ALKBH5: variants seen among roughly 807,000 people sequenced by gnomAD.
The protein encoded by ALKBH5 is RNA demethylase ALKBH5.
ALKBH5 carries 2 observed loss-of-function variants against 32.1 expected under a neutral mutation model. The ratio of observed to expected loss-of-function variants is 0.06; its 90% CI spans 0.03 to 0.20. The LOEUF (loss-of-function observed/expected upper bound fraction) is 0.20, where lower values mean the gene tolerates loss of function less well. Ranked by LOEUF, ALKBH5 falls within the 10% of genes least tolerant of loss-of-function variation. ALKBH5 has a pLI of 1.00. For missense variants in ALKBH5, 352 were observed against 559.5 expected (o/e 0.63, Z 3.74); for synonymous variants, 300 against 231.7 (o/e 1.29, Z -2.68).
intron 1 of ALKBH5, among the ~76,000 whole-genome samples, chr17:18,194,162 T>C (rs1241731066): frequency 1.0e-5 from 1 of 100,140 alleles, no homozygotes. Context: ...GGGCAGGGGG[T>C]GGGGGTCAGT....
chr17:18,206,977 A>C lies in ALKBH5; in HGVS notation c.1007+7A>C, dbSNP rs534840309. ...ACCCTGATGCTGCCCACAGGTACTC[A>C]GTTTAGGACCCTCAGCAAAGGCTGG... On this transcript the variant is annotated splice_region_variant and intron_variant, in intron 3 of 3. Transcript: ENST00000399138. The C allele has an allele frequency of 6.2e-7, 1 of 1,612,230 alleles. No individual in the cohort carries two copies. The highest frequency in any genetic ancestry group is 1.3e-5 in the African/African-American group (1 of 74,908).
At chr17:18,206,035 C>T (rs1188944501) in intron 2 of ALKBH5, among the ~76,000 whole-genome samples, 1 of 152,152 alleles carries the variant, frequency 6.6e-6, no homozygotes, top group African/African-American at 2.4e-5. Flanking sequence ...TGAGGTTTTC[C>T]ATGCCAGCTC....
intron 1 of ALKBH5, among the ~76,000 whole-genome samples, chr17:18,188,250 A>C (rs1439534147): frequency 6.6e-6 from 1 of 152,266 alleles, no homozygotes; most frequent in Non-Finnish European, 1.5e-5. Flanking sequence ...TAGAATAATT[A>C]CTTCAAGGCT....
At position 18,184,812 on chromosome 17, in the gene ALKBH5, C is replaced by T; in HGVS notation, c.569C>T (p.Ala190Val). 6.2e-7 allele frequency: 1 copy of T among 1,614,132 alleles called. No homozygotes were observed. The highest frequency in any genetic ancestry group is 8.5e-7 in the Non-Finnish European group (1 of 1,180,004). The change falls in exon 1 of 4, where the codon GCC becomes GTC. Residue 190 changes from alanine (A) to valine (V), a missense_variant. Physicochemically the swap from Ala to Val is moderately conservative, Grantham distance 64 (BLOSUM62 0). This residue lies in a region of ALKBH5 where 56 missense variants were observed against 238.1 expected (regional missense o/e 0.24). Coordinates refer to ENST00000399138, the MANE Select transcript of ALKBH5 (RefSeq NM_017758.4). The stretch of plus-strand genomic sequence containing the variant: ...ATCCCCGAGGGCTTCGTCAACAGCG[C>T]CGTCATCAACGACTACCAGCCCGGC... ...RVIPEGFVNS[A>V]VINDYQPGGC...
In ALKBH5 at chr17:18,183,926, G is replaced by A. The variant is rs1380139094; in HGVS notation, c.-318G>A. On this transcript the variant is annotated 5_prime_UTR_variant, in exon 1 of 4. Coordinates refer to ENST00000399138, the MANE Select transcript of ALKBH5 (RefSeq NM_017758.4). ...GTGCGGGCCGGGCCGGGCGTCCGAG[G>A]GTCTGGTCGGGAGTCGGGCCGCGTC... is the stretch of plus-strand genomic sequence containing the variant. 3.6e-6 allele frequency: 2 copies of A among 553,686 alleles called. No individual in the cohort carries two copies. Among genetic ancestry groups the A allele is most frequent in the Non-Finnish European group, 6.8e-6 (2 of 296,128 alleles). 34.3% of individuals were successfully genotyped at this position (553,686 alleles called of 1,614,324 possible).
chr17:18,191,406 C>T (rs1176388030), intron 1 of ALKBH5, among the ~76,000 whole-genome samples: 1 of 152,160 alleles, frequency 6.6e-6, no homozygotes, highest in East Asian at 1.9e-4. Flanking sequence ...ACTAGTTCTT[C>T]CAAGGCCTGG....
intron 2 of ALKBH5, among the ~76,000 whole-genome samples, chr17:18,202,322 A>AC (rs2047246740): frequency 6.6e-6 from 1 of 151,954 alleles, no homozygotes; most frequent in Admixed American, 6.6e-5. Context: ...CAAAAAACAA[A>AC]AAACAAAAAA....
At chr17:18,204,772 G>A (rs1597842579) in intron 2 of ALKBH5, among the ~76,000 whole-genome samples, 2 of 151,672 alleles carry the variant, frequency 1.3e-5, no homozygotes, top group African/African-American at 4.8e-5. Flanking sequence ...AAAATAAAAA[G>A]CTCATCTGGA....
intron 2 of ALKBH5, among the ~76,000 whole-genome samples, chr17:18,201,850 T>TAGATA (rs2047243083): frequency 1.4e-4 from 10 of 73,698 alleles, no homozygotes; most frequent in Admixed American, 1.2e-3. Flanking sequence ...ATAGATAGAT[T>TAGATA]GATTGATTGA....
At chr17:18,207,962 C>T (rs1306356476) in intron 3 of ALKBH5, among the ~76,000 whole-genome samples, 1 of 152,084 alleles carries the variant, frequency 6.6e-6, no homozygotes, top group Non-Finnish European at 1.5e-5. Context: ...GTCCAGCAGC[C>T]CTGGCAGTGT....
intron 1 of ALKBH5, among the ~76,000 whole-genome samples, chr17:18,186,148 A>G (rs1021039806): frequency 1.3e-5 from 2 of 152,246 alleles, no homozygotes; most frequent in Admixed American, 6.5e-5. Flanking sequence ...GGATGGCAGC[A>G]GAGCCTTGTA....
chr17:18,199,573 G>T (rs1303720231), intron 2 of ALKBH5, among the ~76,000 whole-genome samples: 1 of 152,334 alleles, frequency 6.6e-6, no homozygotes, highest in East Asian at 1.9e-4. Flanking sequence ...CAGGTAGGAA[G>T]TGAGCTGCCT....
chr17:18,208,203 C>T lies in ALKBH5; in HGVS notation c.1008-16C>T. On this transcript the variant is annotated splice_polypyrimidine_tract_variant and intron_variant, in intron 3 of 3. Coordinates refer to ENST00000399138, the MANE Select transcript of ALKBH5 (RefSeq NM_017758.4). ...GCCAGCCTCTCAGATAACGTCCTAC[C>T]TCCCTTTCCTTGCAGGCCACGGATC... 6.3e-7 allele frequency: 1 copy of T among 1,596,324 alleles called. No individual in the cohort carries two copies. Among genetic ancestry groups the T allele is most frequent in the Non-Finnish European group, 8.5e-7 (1 of 1,170,376 alleles).
chr17:18,207,642 G>A (rs890782969), intron 3 of ALKBH5, among the ~76,000 whole-genome samples: 6 of 150,660 alleles, frequency 4.0e-5, no homozygotes, highest in Admixed American at 4.0e-4. Context: ...CAGCCTGTGC[G>A]ACAGAGCAAG....
At position 18,195,027 on chromosome 17, in the gene ALKBH5, C is replaced by T; in HGVS notation, c.843C>T (p.Ile281=). ...TCAAGGAGCGCCGAGCAGTCATCAT[C>T]CTCAGGAAGTAAGTGCCTTGATGTC... ...QDIKERRAVI[I]LRKTRLDAPR... is the part of the protein sequence containing the mutation. Residue 281 remains isoleucine, a synonymous_variant, in exon 2 of 4, where the codon ATC becomes ATT. Transcript: ENST00000399138. 2 of 1,613,294 alleles carry T rather than the reference C, an allele frequency of 1.2e-6. No homozygotes were observed. Among genetic ancestry groups the T allele is most frequent in the Non-Finnish European group, 1.7e-6 (2 of 1,179,848 alleles).
intron 2 of ALKBH5, among the ~76,000 whole-genome samples, chr17:18,203,923 T>G (rs932189589): frequency 6.6e-6 from 1 of 152,110 alleles, no homozygotes; most frequent in African/African-American, 2.4e-5. Flanking sequence ...AAGAAACAAC[T>G]CCAGAGTGCC....
chr17:18,199,492 G>C (rs1367336757), intron 2 of ALKBH5, among the ~76,000 whole-genome samples: 2 of 152,142 alleles, frequency 1.3e-5, no homozygotes, highest in African/African-American at 4.8e-5. Flanking sequence ...GGCCTTGCTA[G>C]CTGCCCTGTG....
chr17:18,206,242 C>G (rs1184698862), intron 2 of ALKBH5, among the ~76,000 whole-genome samples: 1 of 152,194 alleles, frequency 6.6e-6, no homozygotes, highest in Non-Finnish European at 1.5e-5. Context: ...ACCTTGTCAG[C>G]ATCCTGAAAT....
chr17:18,201,802 T>TAGATA (rs2047240229), intron 2 of ALKBH5, among the ~76,000 whole-genome samples: 1 of 56,334 alleles, frequency 1.8e-5, no homozygotes, highest in African/African-American at 7.1e-5. Context: ...ATAAGATAGA[T>TAGATA]AGATAGATAG....
Sources: allele counts gnomAD v4.1 joint callset (sites outside exome capture counted in the v4.1 genomes callset), GRCh38; gene constraint gnomAD v4.1.1; regional missense constraint gnomAD v4.1.1; transcripts MANE v1.5; gene names NCBI Gene and HGNC (gene_info 2026-07-23, HGNC 2026-07-21).